The following PDE1C variants were observed in gnomAD, a reference collection of about 807,000 sequenced individuals.
PDE1C encodes the protein phosphodiesterase 1C.
Under a neutral mutation model 93.1 loss-of-function variants are expected in PDE1C, and 62 were observed. The observed-to-expected ratio is 0.67, with a 90% CI of 0.54 to 0.82. The LOEUF (loss-of-function observed/expected upper bound fraction) is 0.82. Ranked by LOEUF, PDE1C falls within the 40% of genes least tolerant of loss-of-function variation. PDE1C has a pLI of 0.00. For missense variants in PDE1C, 742 were observed against 884.6 expected, an observed-to-expected ratio of 0.84 and a Z score of 2.04; for synonymous variants, 325 against 310.1, an observed-to-expected ratio of 1.05 and a Z score of -0.50.
the PDE1C span, chr7:31,651,035 T>A: frequency 3.1e-6 from 4 of 1,281,760 alleles, no homozygotes; most frequent in Non-Finnish European, 4.3e-6. Flanking sequence ...CAGTAGGGCC[T>A]GTTTGCGAAA....
At chr7:31,828,005 T>C (rs1432826825) in intron 12 of PDE1C, among the ~76,000 whole-genome samples, 2 of 152,112 alleles carry the variant, frequency 1.3e-5, no homozygotes, top group African/African-American at 4.8e-5. Flanking sequence ...ATGGGCTTCC[T>C]GCCAATGACA....
chr7:31,943,187 G>A (rs533688032), intron 2 of PDE1C, among the ~76,000 whole-genome samples: 1 of 152,306 alleles, frequency 6.6e-6, no homozygotes, highest in South Asian at 2.1e-4. Context: ...GGTTGCATGT[G>A]TAAGAGCTAT....
chr7:31,825,024 A>T, intron 12 of PDE1C, 37 bp from the exon 13 acceptor site: 1 of 1,611,768 alleles, frequency 6.2e-7, no homozygotes, highest in Non-Finnish European at 8.5e-7. Context: ...GGAACCACAT[A>T]TTACCTTGGG....
chr7:32,075,610 G>T (rs993350586), upstream of PDE1C, among the ~76,000 whole-genome samples: 1 of 152,140 alleles, frequency 6.6e-6, no homozygotes, highest in Admixed American at 6.5e-5. Flanking sequence ...GAAAGAAAAG[G>T]CAGAGGACTG....
At chr7:32,175,911 C>T (rs1436157613) in intron 2 of PDE1C, among the ~76,000 whole-genome samples, 4 of 152,026 alleles carry the variant, frequency 2.6e-5, no homozygotes, top group African/African-American at 9.7e-5. Context: ...TAATTATGGC[C>T]CTGTAGATAT....
At chr7:31,665,511 CTTAA>C in the PDE1C span, among the ~76,000 whole-genome samples, 41 of 152,296 alleles carry the variant, frequency 2.7e-4, no homozygotes, top group South Asian at 8.3e-4. Flanking sequence ...TCATAAGATA[CTTAA>C]TTAATATTAA....
Position 32,427,038 on chromosome 7 carries a change from C to T in PDE1C, c.310+784G>A, listed in dbSNP as rs373869231. On this transcript the variant is annotated intron_variant, in intron 1 of 1. Transcript: ENST00000672256. The stretch of plus-strand genomic sequence containing the variant: ...AACTAAGGCATTTTCCTCCCACTTG[C>T]ACAAAACAGGATCTGCCCCGACGAA... Among the ~76,000 whole-genome samples, 232 of 152,270 alleles carry T rather than the reference C, an allele frequency of 1.5e-3. 10 individuals are homozygous for T. In the South Asian group the frequency reaches 0.047, roughly 31 times the overall value.
At chr7:32,001,821 A>G (rs550574435) in intron 2 of PDE1C, among the ~76,000 whole-genome samples, 1 of 152,332 alleles carries the variant, frequency 6.6e-6, no homozygotes, top group East Asian at 1.9e-4. Context: ...GCACTTTGGG[A>G]GGCCAAGGCA....
chr7:31,830,049 C>T (rs1015550779), intron 11 of PDE1C, among the ~76,000 whole-genome samples: 2 of 152,122 alleles, frequency 1.3e-5, no homozygotes, highest in African/African-American at 2.4e-5. Flanking sequence ...TACTAAATAA[C>T]TCCTAATTCC....
intron 2 of PDE1C, among the ~76,000 whole-genome samples, chr7:31,998,220 C>T (rs563098934): frequency 1.8e-4 from 28 of 152,126 alleles, no homozygotes; most frequent in South Asian, 1.0e-3. Context: ...AGGGTTTCAC[C>T]ATGTTAGCCA....
chr7:31,730,961 T>C, the PDE1C span, among the ~76,000 whole-genome samples: 61 of 151,848 alleles, frequency 4.0e-4, no homozygotes, highest in Non-Finnish European at 7.8e-4. Flanking sequence ...AAAATCTAAC[T>C]ACTGGATCAG....
rs562220392 is a variant in PDE1C at position 31,758,925 on chromosome 7, A to G, written c.1961-5372T>C. 3.3e-5 allele frequency among the ~76,000 whole-genome samples: 5 copies of G among 152,292 alleles called. No homozygotes were observed. The East Asian group carries it at 7.7e-4, about 24-fold the overall frequency. ...TATTCATTCTATTTCACTACTCAGCAGGAACTCAGCCAAAGTATTACTGAA... is the reference window on the plus strand; with the variant it reads ...TATTCATTCTATTTCACTACTCAGCGGGAACTCAGCCAAAGTATTACTGAA... On this transcript the variant is annotated intron_variant, in intron 17 of 17. Coordinates refer to ENST00000396191, the MANE Select transcript of PDE1C (RefSeq NM_001191057.4).
At chr7:31,771,432 G>T (rs1217426937) in intron 17 of PDE1C, among the ~76,000 whole-genome samples, 1 of 152,138 alleles carries the variant, frequency 6.6e-6, no homozygotes, top group Non-Finnish European at 1.5e-5. Context: ...GGTGTGAAGT[G>T]GCATCTCACT....
intron 2 of PDE1C, among the ~76,000 whole-genome samples, chr7:32,206,041 G>A (rs950921836): frequency 3.3e-5 from 5 of 152,116 alleles, no homozygotes; most frequent in Non-Finnish European, 5.9e-5. Context: ...ACTGTTCTAG[G>A]ATCAAGGTGT....
upstream of PDE1C, chr7:32,299,382 G>A: frequency 1.0e-6 from 1 of 985,628 alleles, no homozygotes. Flanking sequence ...GCACTGGCCT[G>A]GAGCCCCGAT....
intron 1 of PDE1C, among the ~76,000 whole-genome samples, chr7:32,416,994 C>T (rs1785288163): frequency 1.3e-5 from 2 of 152,158 alleles, no homozygotes; most frequent in South Asian, 4.1e-4. Flanking sequence ...AACACCCACC[C>T]CATGCCTGGC....
At chr7:32,175,208 C>A (rs1390357917) in intron 2 of PDE1C, among the ~76,000 whole-genome samples, 19 of 152,160 alleles carry the variant, frequency 1.2e-4, no homozygotes, top group Admixed American at 9.8e-4. Context: ...GGCTAGAAAA[C>A]AATATACAGG....
At chr7:31,743,924 T>C in the PDE1C span, among the ~76,000 whole-genome samples, 1 of 152,034 alleles carries the variant, frequency 6.6e-6, no homozygotes, top group Non-Finnish European at 1.5e-5. Flanking sequence ...CAGGCTCAAG[T>C]GGGCACTCCA....
intron 2 of PDE1C, among the ~76,000 whole-genome samples, chr7:32,022,307 T>C (rs1252839733): frequency 6.6e-6 from 1 of 151,904 alleles, no homozygotes; most frequent in Non-Finnish European, 1.5e-5. Context: ...AACTACAATA[T>C]AAAGTAGAAA....
Sources: gnomAD v4.1 joint callset for allele counts (sites outside exome capture counted in the v4.1 genomes callset) on GRCh38, gnomAD v4.1.1 for gene constraint, MANE v1.5 for transcripts, NCBI Gene and HGNC (gene_info 2026-07-23, HGNC 2026-07-21) for gene names.